Variants in CEP72 observed in about 807,000 individuals in gnomAD.
CEP72 encodes the protein centrosomal protein of 72 kDa.
In CEP72, 78 loss-of-function variants were observed where a neutral mutation model predicts 65.7. The ratio of observed to expected loss-of-function variants is 1.19; its 90% CI spans 0.99 to 1.43. The LOEUF is 1.43. Among genes scored for constraint, CEP72 ranks in the 40% most tolerant of loss-of-function variants. CEP72 has a pLI of 0.00. For synonymous variants in CEP72, 358 were observed against 351.7 expected (o/e 1.02, Z -0.20); for missense variants, 914 against 832.9 (o/e 1.10, Z -1.20).
exon 3 of CEP72, chr5:665,210 G>A (rs776495804): frequency 1.2e-6 from 2 of 1,613,890 alleles, no homozygotes; most frequent in East Asian, 2.2e-5. Context: ...CCTTGCCCTT[G>A]CCAGAGGGGT....
In CEP72 at chr5:666,081, C is replaced by T. The variant is rs757150604; in HGVS notation, n.574C>T. 43 of 1,612,440 alleles carry T rather than the reference C, an allele frequency of 2.7e-5. No individual in the cohort carries two copies. In the East Asian group the frequency reaches 5.6e-4, roughly 21 times the overall value. ...GCTTCTTGGCGAGCTCCTCCAGCGC[C>T]TCCTGGAACTGCTCAAAGGTGATGG... On this transcript the variant is annotated non_coding_transcript_exon_variant, in exon 4 of 5. Coordinates refer to the CEP72 transcript ENST00000514507.
chr5:661,659 A>C (rs925763658), downstream of CEP72: 1 of 152,432 alleles, frequency 6.6e-6, no homozygotes, highest in South Asian at 2.1e-4. Flanking sequence ...TGTTATGTGC[A>C]GTGGGGCTGC....
chr5:635,513 CGCCACTGTACGGAGCGGA>C lies in CEP72; in HGVS notation c.838_855del (p.Leu280_Pro285del). The C allele has an allele frequency of 6.2e-7, 1 of 1,614,036 alleles. No homozygotes were observed. On this transcript the variant is annotated inframe_deletion, in exon 6 of 12. Transcript: ENST00000264935. Reference sequence around the variant, plus strand: ...TGGAGCCAGCTCTGTGGAGAGCTTCCGCCACTGTACGGAGCGGAGCCAGAGGCCTCCCGTGCCCCCAGG... The same window carrying C: ...TGGAGCCAGCTCTGTGGAGAGCTTCCGCCAGAGGCCTCCCGTGCCCCCAGG...
At chr5:637,022 C>T (rs939360490) in intron 6 of CEP72, among the ~76,000 whole-genome samples, 2 of 152,212 alleles carry the variant, frequency 1.3e-5, no homozygotes, top group African/African-American at 2.4e-5. Context: ...CTTCATTGTC[C>T]TTCCACAGAC....
downstream of CEP72, among the ~76,000 whole-genome samples, chr5:671,082 C>G (rs982464808): frequency 1.3e-5 from 2 of 152,234 alleles, no homozygotes; most frequent in African/African-American, 4.8e-5. Flanking sequence ...GAAGCCCCCA[C>G]ACAGCCGGTC....
intron 9 of CEP72, chr5:641,036 GCTGAAAAC>G: frequency 1.0e-6 from 1 of 985,464 alleles, no homozygotes; most frequent in Non-Finnish European, 1.2e-6. Flanking sequence ...AAAACCAGCA[GCTGAAAAC>G]CTGCATTTAT....
Position 635,697 on chromosome 5 carries a change from C to T in CEP72, c.904+113C>T, listed in dbSNP as rs573205554. 1.7e-4 allele frequency: 153 copies of T among 883,406 alleles called. No homozygotes were observed. In the East Asian group the frequency reaches 2.7e-3, roughly 16 times the overall value. The allele number at this position is 883,406 out of a possible 1,614,324, so 54.7% of individuals were successfully genotyped here. On this transcript the variant is annotated intron_variant, in intron 6 of 11. Coordinates refer to ENST00000264935, the MANE Select transcript of CEP72 (RefSeq NM_018140.4). The stretch of plus-strand genomic sequence containing the variant: ...CTCATGGTTCTGGAGGCTGGGAAGT[C>T]CAAGAGCACGGTGCCGGCACCTGGT...
chr5:627,000 G>A (rs1736798779), intron 4 of CEP72, among the ~76,000 whole-genome samples: 1 of 152,172 alleles, frequency 6.6e-6, no homozygotes, highest in African/African-American at 2.4e-5. Context: ...CCTTTGTCTG[G>A]TTTTGGTTTT....
intron 9 of CEP72, chr5:642,352 C>T (rs570365377): frequency 1.7e-4 from 163 of 985,376 alleles, no homozygotes; most frequent in Non-Finnish European, 1.8e-4. Flanking sequence ...CACATGGCCC[C>T]TTCTCTGGAA....
intron 3 of CEP72, chr5:665,366 G>A (rs972622540): frequency 2.7e-6 from 4 of 1,476,372 alleles, no homozygotes; most frequent in African/African-American, 2.8e-5. Context: ...TGAAATGGCT[G>A]TGCCCTGGGC....
intron 11 of CEP72, among the ~76,000 whole-genome samples, chr5:651,919 C>T (rs12518227): frequency 0.35 from 53,788 of 151,750 alleles, 10,081 homozygotes; most frequent in East Asian, 0.45. Context: ...TGGGTTCGAC[C>T]ACAGTCTGGT....
chr5:669,977 T>G (rs549484931), downstream of CEP72, among the ~76,000 whole-genome samples: 4 of 145,702 alleles, frequency 2.7e-5, no homozygotes, highest in African/African-American at 1.0e-4. Context: ...TTGCCCATGC[T>G]CTCCCCAGCC....
intron 6 of CEP72, among the ~76,000 whole-genome samples, chr5:635,944 C>T (rs1737568829): frequency 6.6e-6 from 1 of 151,652 alleles, no homozygotes. Context: ...GGCCCTGTGA[C>T]CTGTTCCAGA....
intron 11 of CEP72, among the ~76,000 whole-genome samples, chr5:648,734 GCAT>G (rs1738633856): frequency 8.8e-5 from 6 of 67,822 alleles, no homozygotes; most frequent in Non-Finnish European, 1.7e-4. Flanking sequence ...TGACTGTGAG[GCAT>G]GACTGTGAGG....
intron 1 of CEP72, among the ~76,000 whole-genome samples, chr5:618,028 C>T (rs1444408490): frequency 8.5e-5 from 13 of 152,106 alleles, no homozygotes; most frequent in South Asian, 4.1e-4. Flanking sequence ...TTGCACAGCC[C>T]GACCACAGTT....
At chr5:648,401 G>T (rs1378179329) in intron 11 of CEP72, among the ~76,000 whole-genome samples, 2 of 143,592 alleles carry the variant, frequency 1.4e-5, no homozygotes, top group Non-Finnish European at 3.0e-5. Flanking sequence ...AGATGGGACT[G>T]TGAGGTATGT....
chr5:649,128 G>A (rs374994474), intron 11 of CEP72, among the ~76,000 whole-genome samples: 2 of 140,056 alleles, frequency 1.4e-5, no homozygotes, highest in South Asian at 4.6e-4. Flanking sequence ...GTGAATGTGA[G>A]GCGTGACTGT....
rs1308274235 is a variant in CEP72, at chr5:639,183, G to A, written c.1301G>A (p.Trp434Ter). The change falls in exon 8 of 12, where the codon TGG (tryptophan) becomes TAG (stop). Residue 434 changes from tryptophan (W) to a stop codon, truncating the protein, a stop_gained. Transcript: ENST00000264935. LOFTEE classifies it high-confidence loss of function. ...CTCTTGGACCTGGTGGACAGGAGCT[G>A]GGGCGGCTGCAGGTCCCTGCACAGC... ...ETLLDLVDRS[W>*]GGCRSLHSNE... 2 of 1,607,846 alleles carry A rather than the reference G, an allele frequency of 1.2e-6. No individual in the cohort carries two copies. Among genetic ancestry groups the A allele is most frequent in the Non-Finnish European group, 1.7e-6 (2 of 1,176,038 alleles).
intron 3 of CEP72, among the ~76,000 whole-genome samples, chr5:620,469 A>G (rs1162990341): frequency 1.3e-5 from 2 of 152,126 alleles, no homozygotes; most frequent in South Asian, 2.1e-4. Flanking sequence ...GAAGTTGAGC[A>G]CCCTGGGAGG....
Sources: gnomAD v4.1 joint callset for allele counts (sites outside exome capture counted in the v4.1 genomes callset) on GRCh38, gnomAD v4.1.1 for gene constraint, MANE v1.5 for transcripts, NCBI Gene and HGNC (gene_info 2026-07-23, HGNC 2026-07-21) for gene names.